Variants in FNIP2 observed in about 807,000 individuals in gnomAD.
The protein encoded by FNIP2 is folliculin-interacting protein 2.
FNIP2 carries 32 observed loss-of-function variants against 108.7 expected under a neutral mutation model. The ratio of observed to expected loss-of-function variants is 0.29; its 90% CI spans 0.22 to 0.40. The LOEUF is 0.40. Ranked by LOEUF, FNIP2 falls within the 10% of genes least tolerant of loss-of-function variation. The pLI is 1.00. For synonymous variants in FNIP2, 480 were observed against 496.7 expected (o/e 0.97, Z 0.45); for missense variants, 1,202 against 1,381.6 (o/e 0.87, Z 2.06).
At chr4:158,782,435 C>T (rs1186074673) in intron 1 of FNIP2, among the ~76,000 whole-genome samples, 1 of 152,172 alleles carries the variant, frequency 6.6e-6, no homozygotes, top group Non-Finnish European at 1.5e-5. Context: ...GCTTTCCCTC[C>T]AGCCTATGGC....
intron 12 of FNIP2, among the ~76,000 whole-genome samples, chr4:158,862,452 G>C (rs545897249): frequency 6.6e-6 from 1 of 152,284 alleles, no homozygotes; most frequent in South Asian, 2.1e-4. Flanking sequence ...GGGGGTAAAA[G>C]GCGTGTTCTA....
At chr4:158,832,923 C>T (rs1778562616) in intron 5 of FNIP2, among the ~76,000 whole-genome samples, 1 of 151,802 alleles carries the variant, frequency 6.6e-6, no homozygotes, top group Non-Finnish European at 1.5e-5. Flanking sequence ...TCGTTTTTGT[C>T]AGCTCTACAC....
At chr4:158,805,379 C>T (rs771718386) in intron 1 of FNIP2, among the ~76,000 whole-genome samples, 2 of 152,108 alleles carry the variant, frequency 1.3e-5, no homozygotes, top group Non-Finnish European at 2.9e-5. Flanking sequence ...CATATTGATT[C>T]TGTAGCATTG....
chr4:158,858,851 T>C (rs1275247722), intron 8 of FNIP2, among the ~76,000 whole-genome samples: 1 of 152,254 alleles, frequency 6.6e-6, no homozygotes, highest in Non-Finnish European at 1.5e-5. Context: ...TCATTTGAGC[T>C]TCTTTCCATG....
chr4:158,805,111 GCAAAAACCGCA>G (rs1268164708), intron 1 of FNIP2, among the ~76,000 whole-genome samples: 9 of 152,088 alleles, frequency 5.9e-5, no homozygotes, highest in African/African-American at 1.9e-4. Context: ...AAAAGTAATG[GCAAAAACCGCA>G]ATTACTTTTG....
chr4:158,876,192 A>G (rs1438799429), intron 14 of FNIP2, among the ~76,000 whole-genome samples: 2 of 152,232 alleles, frequency 1.3e-5, no homozygotes, highest in Non-Finnish European at 2.9e-5. Context: ...CAATGTGACT[A>G]GTCTTTTTAA....
intron 14 of FNIP2, chr4:158,871,777 T>C (rs1317418600): frequency 4.1e-6 from 4 of 984,802 alleles, no homozygotes; most frequent in African/African-American, 1.7e-5. Flanking sequence ...TTTCTCTTTA[T>C]AGTTATGAAC....
intron 1 of FNIP2, chr4:158,808,680 T>G (rs1777103829): frequency 6.6e-6 from 1 of 152,180 alleles, no homozygotes; most frequent in Middle Eastern, 3.2e-3. Flanking sequence ...GTGCTCACAG[T>G]TATCTGTTTG....
rs34041059 is a variant in FNIP2, at chr4:158,838,761, T to A, written c.727+3285T>A. ...ATTAGCTAAAGTCCACAGTTTTTTT[T>A]ATTTCCTTAGTTTTTCATCTAATAG... On this transcript the variant is annotated intron_variant, in intron 7 of 16. Coordinates refer to ENST00000264433, the MANE Select transcript of FNIP2 (RefSeq NM_020840.3). Among the ~76,000 whole-genome samples, 723 of 152,318 alleles carry A rather than the reference T, an allele frequency of 4.7e-3. 3 individuals are homozygous for A. The Middle Eastern group carries it at 0.054, about 11-fold the overall frequency.
chr4:158,872,005 T>C, intron 14 of FNIP2: 1 of 691,424 alleles, frequency 1.4e-6, no homozygotes, highest in Non-Finnish European at 1.8e-6. Context: ...CTGTGAGTTG[T>C]TTTTTTTTTT....
Position 158,769,281 on chromosome 4 carries a change from T to A in FNIP2, c.69T>A (p.Ser23=), listed in dbSNP as rs773741052. 1.0e-5 allele frequency: 16 copies of A among 1,541,592 alleles called. No individual in the cohort carries two copies. The highest frequency in any genetic ancestry group is 1.4e-5 in the Non-Finnish European group (16 of 1,147,532). The change falls in exon 1 of 17, where the codon TCT becomes TCA. Residue 23 remains serine (S), a synonymous_variant. Coordinates refer to ENST00000264433, the MANE Select transcript of FNIP2 (RefSeq NM_020840.3). Reference sequence around the variant, plus strand: ...GCAGCGGCAGCTCCGCGGCGGCGTCTGCCCAGGGCAGGGCTCCTAAGGAAG... The same window carrying A: ...GCAGCGGCAGCTCCGCGGCGGCGTCAGCCCAGGGCAGGGCTCCTAAGGAAG... The part of the protein sequence containing the change: ...RGSSGSSAAA[S]AQGRAPKEGP...
intron 14 of FNIP2, among the ~76,000 whole-genome samples, chr4:158,883,376 G>T (rs1343561486): frequency 6.6e-6 from 1 of 151,948 alleles, no homozygotes; most frequent in East Asian, 1.9e-4. Flanking sequence ...CGAGTAGCTG[G>T]GACTACAGGC....
At chr4:158,896,819 A>T (rs1579001114) in intron 16 of FNIP2, among the ~76,000 whole-genome samples, 1 of 146,532 alleles carries the variant, frequency 6.8e-6, no homozygotes, top group Admixed American at 6.8e-5. Flanking sequence ...TACCAGCCTC[A>T]TACTTCAATC....
chr4:158,856,034 T>G (rs549907889), intron 8 of FNIP2, among the ~76,000 whole-genome samples: 2 of 152,304 alleles, frequency 1.3e-5, no homozygotes, highest in Non-Finnish European at 2.9e-5. Flanking sequence ...AACAGTTGGC[T>G]CCACGCTGAC....
chr4:158,893,511 T>C (rs1025002537), intron 15 of FNIP2: 6 of 547,038 alleles, frequency 1.1e-5, no homozygotes, highest in Non-Finnish European at 2.0e-5. Flanking sequence ...ACAATATTAA[T>C]GGTTGCAAAG....
chr4:158,847,324 C>T (rs1237159666), intron 7 of FNIP2, among the ~76,000 whole-genome samples: 1 of 152,116 alleles, frequency 6.6e-6, no homozygotes, highest in Non-Finnish European at 1.5e-5. Flanking sequence ...CAGTGTAGTT[C>T]GTAGCTCCAG....
At chr4:158,799,586 A>G (rs1776696275) in intron 1 of FNIP2, among the ~76,000 whole-genome samples, 1 of 152,220 alleles carries the variant, frequency 6.6e-6, no homozygotes, top group African/African-American at 2.4e-5. Context: ...TGATGGCCCC[A>G]ACCCAGTAGC....
chr4:158,781,034 CAA>C (rs70962632), intron 1 of FNIP2, among the ~76,000 whole-genome samples: 48,381 of 130,482 alleles, frequency 0.37, 8,154 homozygotes, highest in Middle Eastern at 0.42. Flanking sequence ...GAGTCCTTCT[CAA>C]AAAAAAAAAA....
chr4:158,903,527 A>G (rs1013928501), intron 16 of FNIP2, among the ~76,000 whole-genome samples: 1 of 152,188 alleles, frequency 6.6e-6, no homozygotes, highest in Non-Finnish European at 1.5e-5. Context: ...ACGTGTAATC[A>G]TAAGCTTTTA....
Sources: gnomAD v4.1 joint callset for allele counts (sites outside exome capture counted in the v4.1 genomes callset) on GRCh38, gnomAD v4.1.1 for gene constraint, MANE v1.5 for transcripts, NCBI Gene and HGNC (gene_info 2026-07-23, HGNC 2026-07-21) for gene names.